TUBB: variants seen among roughly 807,000 people sequenced by gnomAD.
TUBB encodes tubulin beta chain.
Under a neutral mutation model 35.1 loss-of-function variants are expected in TUBB, and 2 were observed. The ratio of observed to expected loss-of-function variants is 0.06; its 90% CI spans 0.02 to 0.18. The LOEUF (loss-of-function observed/expected upper bound fraction) is 0.18, where lower values mean the gene tolerates loss of function less well. Among genes scored for constraint, TUBB ranks in the 10% least tolerant of loss-of-function variants. TUBB has a pLI of 1.00. For missense variants in TUBB, 50 were observed against 599.4 expected, an observed-to-expected ratio of 0.08 and a Z score of 9.57; for synonymous variants, 205 against 223.8, an observed-to-expected ratio of 0.92 and a Z score of 0.75.
chr6:30,724,432 C>T lies in TUBB; in HGVS notation c.*35C>T, dbSNP rs1444940369. ...CCCATCACCTCAGGCTTCTCAGTTCCCTTAGCCGTCTTACTCAACTGCCCC... is the reference window on the plus strand; with the variant it reads ...CCCATCACCTCAGGCTTCTCAGTTCTCTTAGCCGTCTTACTCAACTGCCCC... On this transcript the variant is annotated 3_prime_UTR_variant, in exon 4 of 4. Transcript: ENST00000327892. The surrounding 1 kb of genome is among the most constrained non-coding windows in gnomAD (Gnocchi z 4.4). 1.3e-6 allele frequency: 2 copies of T among 1,561,278 alleles called. No homozygotes were observed. The highest frequency in any genetic ancestry group is 2.7e-5 in the African/African-American group (2 of 73,474).
In TUBB at chr6:30,722,531, C is replaced by CG. The variant is rs754613870; in HGVS notation, c.58-4dup. ...CTGTTGTGGTCTCGTTGCTCCCCCT[C>CG]GGCAGTTCTGGGAGGTGATCAGTGA... On this transcript the variant is annotated splice_polypyrimidine_tract_variant and splice_region_variant and intron_variant, in intron 1 of 3. Coordinates refer to ENST00000327892, the MANE Select transcript of TUBB (RefSeq NM_178014.4). 1 of 1,610,896 alleles carries CG rather than the reference C, an allele frequency of 6.2e-7. No individual in the cohort carries two copies. Among genetic ancestry groups the CG allele is most frequent in the African/African-American group, 1.3e-5 (1 of 74,952 alleles).
chr6:30,722,591 G>C lies in TUBB; in HGVS notation c.112G>C (p.Gly38Arg). ...CATCGACCCCACCGGCACCTACCAC[G>C]GGGACAGCGACCTGCAGCTGGACCG... Reference protein sequence around the residue: ...HGIDPTGTYHGDSDLQLDRIS... With the variant: ...HGIDPTGTYHRDSDLQLDRIS... The change falls in exon 2 of 4, where the codon GGG (glycine) becomes CGG (arginine). Residue 38 changes from glycine (G) to arginine (R), a missense_variant. Around this residue, in one of 2 missense-constraint regions of TUBB, gnomAD observed 38 missense variants for 578.9 expected, o/e 0.07. Coordinates refer to ENST00000327892, the MANE Select transcript of TUBB (RefSeq NM_178014.4). 1 of 1,614,128 alleles carries C rather than the reference G, an allele frequency of 6.2e-7. No homozygotes were observed. Among genetic ancestry groups the C allele is most frequent in the Non-Finnish European group, 8.5e-7 (1 of 1,180,024 alleles).
Position 30,724,393 on chromosome 6 carries a change from C to T in TUBB, c.1331C>T (p.Ala444Val). 8 of 1,608,980 alleles carry T rather than the reference C, an allele frequency of 5.0e-6. No homozygotes were observed. Among genetic ancestry groups the T allele is most frequent in the Non-Finnish European group, 6.8e-6 (8 of 1,177,944 alleles). The change falls in exon 4 of 4, where the codon GCC becomes GTC. Residue 444 changes from alanine (A) to valine (V), a missense_variant. Ala to Val is a moderately conservative substitution (Grantham distance 64). This residue lies in a region of TUBB where 12 missense variants were observed against 20.5 expected (regional missense o/e 0.59). Transcript: ENST00000327892. The surrounding 1 kb of genome is among the most constrained non-coding windows in gnomAD (Gnocchi z 4.4). The stretch of plus-strand genomic sequence containing the variant: ...TTCGGTGAGGAGGCCGAAGAGGAGG[C>T]CTAAGGCAGAGCCCCCATCACCTCA... Reference protein sequence around the residue: ...EDFGEEAEEEA With the variant: ...EDFGEEAEEEV
chr6:30,720,377 T>G lies in TUBB; in HGVS notation c.-130T>G. The G allele has an allele frequency of 2.3e-6, 2 of 854,486 alleles. No individual in the cohort carries two copies. Among genetic ancestry groups the G allele is most frequent in the East Asian group, 5.4e-5 (2 of 37,072 alleles). 52.9% of individuals were successfully genotyped at this position (854,486 alleles called of 1,614,324 possible). A position where few individuals can be genotyped will look rare whatever the true frequency, so the allele number is the denominator to read the frequency against. On this transcript the variant is annotated 5_prime_UTR_variant, in exon 1 of 4. Coordinates refer to ENST00000327892, the MANE Select transcript of TUBB (RefSeq NM_178014.4). ...CTCTCAGAACCTTCCTGCCGTCGCG[T>G]TTGCACCTCGCTGCTCCAGCCTCTG...
intron 1 of TUBB, 86 bp from the exon 2 acceptor site, chr6:30,722,451 T>TAAAAAAAAAAAAAAAAAAAAAAAAAAA (rs1776346906): frequency 1.0e-6 from 1 of 990,628 alleles, no homozygotes; most frequent in Non-Finnish European, 1.6e-6. Context: ...CAAAAAAAAT[T>TAAAAAAAAAAAAAAAAAAAAAAAAAAA]AAGAAAAAGA....
chr6:30,723,214 G>A (rs1185672261), intron 3 of TUBB, 126 bp from the exon 4 acceptor site: 5 of 963,846 alleles, frequency 5.2e-6, no homozygotes, highest in Non-Finnish European at 6.2e-6. Context: ...GCAGTAGGGG[G>A]AGAATATATC....
Position 30,722,370 on chromosome 6 carries a change from G to A in TUBB, c.58-167G>A, listed in dbSNP as rs1776339250. On this transcript the variant is annotated intron_variant, in intron 1 of 3. Coordinates refer to ENST00000327892, the MANE Select transcript of TUBB (RefSeq NM_178014.4). ...AGGCAGGAGAATCGCTTGAACCCGG[G>A]AAGCAGAGGTTGCAGTGAGCCGAGA... 3 of 597,990 alleles carry A rather than the reference G, an allele frequency of 5.0e-6. No homozygotes were observed. In the South Asian group the frequency reaches 6.0e-5, roughly 12 times the overall value. 37.0% of individuals were successfully genotyped at this position (597,990 alleles called of 1,614,324 possible).
intron 1 of TUBB, among the ~76,000 whole-genome samples, chr6:30,721,158 C>T (rs372760653): frequency 6.6e-6 from 1 of 152,350 alleles, no homozygotes; most frequent in African/African-American, 2.4e-5. Context: ...ATTAATTTTA[C>T]TTGCTTTCAT....
In TUBB at chr6:30,720,383, C is replaced by A; in HGVS notation, c.-124C>A. Reference sequence around the variant, plus strand: ...GAACCTTCCTGCCGTCGCGTTTGCACCTCGCTGCTCCAGCCTCTGGGGCGC... The same window carrying A: ...GAACCTTCCTGCCGTCGCGTTTGCAACTCGCTGCTCCAGCCTCTGGGGCGC... On this transcript the variant is annotated 5_prime_UTR_variant, in exon 1 of 4. Coordinates refer to ENST00000327892, the MANE Select transcript of TUBB (RefSeq NM_178014.4). 1.1e-6 allele frequency: 1 copy of A among 924,474 alleles called. No homozygotes were observed. Among genetic ancestry groups the A allele is most frequent in the Non-Finnish European group, 1.8e-6 (1 of 569,404 alleles). 57.3% of individuals were successfully genotyped at this position (924,474 alleles called of 1,614,324 possible).
At position 30,723,528 on chromosome 6, in the gene TUBB, C is replaced by A. The variant is rs1208752776; in HGVS notation, c.466C>A (p.Arg156=). 1.9e-6 allele frequency: 3 copies of A among 1,614,172 alleles called. No individual in the cohort carries two copies. Among genetic ancestry groups the A allele is most frequent in the South Asian group, 2.2e-5 (2 of 91,082 alleles). The change falls in exon 4 of 4, where the codon CGA becomes AGA. Residue 156 remains arginine, a synonymous_variant. Coordinates refer to ENST00000327892, the MANE Select transcript of TUBB (RefSeq NM_178014.4). ...GMGTLLISKI[R]EEYPDRIMNT... is the part of the protein sequence containing the mutation. ...GGGCACTCTCCTTATCAGCAAGATC[C>A]GAGAAGAATACCCTGATCGCATCAT...
Position 30,723,920 on chromosome 6 carries a change from G to T in TUBB, c.858G>T (p.Val286=), listed in dbSNP as rs1481217887. 8 of 1,614,054 alleles carry T rather than the reference G, an allele frequency of 5.0e-6. No individual in the cohort carries two copies. In the Admixed American group the frequency reaches 6.7e-5, roughly 13 times the overall value. ...GCCAGCAGTATCGAGCTCTCACAGT[G>T]CCGGAACTCACCCAGCAGGTCTTCG... ...RGSQQYRALT[V]PELTQQVFDA... The change falls in exon 4 of 4, where the codon GTG becomes GTT. Residue 286 remains valine (V), a synonymous_variant. Transcript: ENST00000327892.
chr6:30,722,845 T>G (rs1349526482), intron 2 of TUBB, 73 bp from the exon 3 acceptor site: 35 of 1,335,642 alleles, frequency 2.6e-5, no homozygotes, highest in Non-Finnish European at 3.5e-5. Flanking sequence ...ATCCCTGCTG[T>G]CTCCCATTTC....
At position 30,724,448 on chromosome 6, in the gene TUBB, C is replaced by A; in HGVS notation, c.*51C>A. On this transcript the variant is annotated 3_prime_UTR_variant, in exon 4 of 4. Transcript: ENST00000327892. This position sits in a 1 kb window ranked among gnomAD's most constrained non-coding sequence, Gnocchi z 4.4. ...TCTCAGTTCCCTTAGCCGTCTTACTCAACTGCCCCTTTCCTCTCCCTCAGA... is the reference window on the plus strand; with the variant it reads ...TCTCAGTTCCCTTAGCCGTCTTACTAAACTGCCCCTTTCCTCTCCCTCAGA... 1 of 1,499,148 alleles carries A rather than the reference C, an allele frequency of 6.7e-7. No homozygotes were observed. Among genetic ancestry groups the A allele is most frequent in the Non-Finnish European group, 9.0e-7 (1 of 1,111,494 alleles). 92.9% of individuals were successfully genotyped at this position (1,499,148 alleles called of 1,614,324 possible).
chr6:30,724,457 C>T lies in TUBB; in HGVS notation c.*60C>T. The T allele has an allele frequency of 1.4e-6, 2 of 1,441,010 alleles. No individual in the cohort carries two copies. Among genetic ancestry groups the T allele is most frequent in the South Asian group, 2.7e-5 (2 of 75,284 alleles). The allele number at this position is 1,441,010 out of a possible 1,614,324, so 89.3% of individuals were successfully genotyped here. ...CCTTAGCCGTCTTACTCAACTGCCCCTTTCCTCTCCCTCAGAATTTGTGTT... is the reference window on the plus strand; with the variant it reads ...CCTTAGCCGTCTTACTCAACTGCCCTTTTCCTCTCCCTCAGAATTTGTGTT... On this transcript the variant is annotated 3_prime_UTR_variant, in exon 4 of 4. Coordinates refer to ENST00000327892, the MANE Select transcript of TUBB (RefSeq NM_178014.4). The surrounding 1 kb of genome is among the most constrained non-coding windows in gnomAD (Gnocchi z 4.4).
intron 1 of TUBB, chr6:30,721,460 A>G (rs1189416486): frequency 1.2e-5 from 9 of 769,488 alleles, no homozygotes; most frequent in African/African-American, 3.8e-5. Context: ...CGCGGGGACA[A>G]TGCGGCGTTG....
At chr6:30,721,603 G>A (rs944236809) in intron 1 of TUBB, 43 of 985,308 alleles carry the variant, frequency 4.4e-5, no homozygotes, top group African/African-American at 8.7e-5. Flanking sequence ...TGGAGGGCGG[G>A]GGGGGTGGTC....
chr6:30,721,605 G>A (rs1041092053), intron 1 of TUBB: 3 of 985,322 alleles, frequency 3.0e-6, no homozygotes, highest in Non-Finnish European at 3.6e-6. Flanking sequence ...GAGGGCGGGG[G>A]GGGTGGTCGA....
At chr6:30,722,786 A>C in intron 2 of TUBB, 132 bp from the exon 3 acceptor site, 1 of 1,119,758 alleles carries the variant, frequency 8.9e-7, no homozygotes, top group Non-Finnish European at 1.3e-6. Context: ...GTCGGGGCCA[A>C]AGACGTCTGC....
chr6:30,721,619 C>A (rs1048884340), intron 1 of TUBB: 2 of 985,252 alleles, frequency 2.0e-6, no homozygotes, highest in Admixed American at 1.2e-4. Flanking sequence ...TGGTCGACTG[C>A]GGCGGCAGCT....
Sources: gnomAD v4.1 joint callset for allele counts (sites outside exome capture counted in the v4.1 genomes callset) on GRCh38, gnomAD v4.1.1 for gene constraint, gnomAD v4.1.1 regional missense constraint, Gnocchi (gnomAD v3.1) non-coding constraint, MANE v1.5 for transcripts, NCBI Gene and HGNC (gene_info 2026-07-23, HGNC 2026-07-21) for gene names.